The following RB1 variants were observed in gnomAD, a reference collection of about 807,000 sequenced individuals.
RB1 encodes RB transcriptional corepressor 1.
Under a neutral mutation model 135.4 loss-of-function variants are expected in RB1, and 18 were observed. The ratio of observed to expected loss-of-function variants is 0.13; its 90% confidence interval spans 0.09 to 0.20. The LOEUF (loss-of-function observed/expected upper bound fraction) is 0.20, where lower values mean the gene tolerates loss of function less well. RB1 is among the 10% of genes least tolerant of loss of function. RB1 has a pLI of 1.00. For missense variants in RB1, 868 were observed against 1,110.0 expected, an observed-to-expected ratio of 0.78 and a Z score of 3.10; for synonymous variants, 365 against 373.2, an observed-to-expected ratio of 0.98 and a Z score of 0.25.
intron 2 of RB1, among the ~76,000 whole-genome samples, chr13:48,336,587 T>C (rs1437949555): frequency 6.6e-6 from 1 of 152,108 alleles, no homozygotes; most frequent in Admixed American, 6.5e-5. Flanking sequence ...TTCTTCTTTA[T>C]TAGTCTTGCT....
chr13:48,346,820 A>T (rs147971684), intron 4 of RB1, among the ~76,000 whole-genome samples: 67 of 152,186 alleles, frequency 4.4e-4, no homozygotes, highest in Non-Finnish European at 9.1e-4. Flanking sequence ...TGTTAACCCA[A>T]GTTTTATATG....
At chr13:48,381,970 TTTGC>T (rs1948539862) in intron 17 of RB1, among the ~76,000 whole-genome samples, 1 of 152,192 alleles carries the variant, frequency 6.6e-6, no homozygotes, top group African/African-American at 2.4e-5. Flanking sequence ...TTGGCAATAG[TTTGC>T]TCAGAATGAT....
intron 17 of RB1, among the ~76,000 whole-genome samples, chr13:48,382,605 G>T (rs1948544455): frequency 6.6e-6 from 1 of 152,190 alleles, no homozygotes; most frequent in Non-Finnish European, 1.5e-5. Context: ...CCCTTTGTCA[G>T]ATGGGTAGAT....
Position 48,368,616 on chromosome 13 carries a change from C to T in RB1, c.1127+12C>T, listed in dbSNP as rs759817585. On this transcript the variant is annotated intron_variant, in intron 11 of 26. Coordinates refer to ENST00000267163, the MANE Select transcript of RB1 (RefSeq NM_000321.3). ...CACACTCCAGTTAGGTATGAATTTT[C>T]CTACTTTTAATTATATTATAATTTT... is the stretch of plus-strand genomic sequence containing the variant. 6.2e-7 allele frequency: 1 copy of T among 1,610,876 alleles called. No individual in the cohort carries two copies. Among genetic ancestry groups the T allele is most frequent in the Non-Finnish European group, 8.5e-7 (1 of 1,178,654 alleles).
intron 24 of RB1, among the ~76,000 whole-genome samples, chr13:48,474,614 A>G (rs1038521905): frequency 2.0e-5 from 3 of 152,088 alleles, no homozygotes; most frequent in Non-Finnish European, 4.4e-5. Context: ...CCTTCCATAC[A>G]TATGCACTTT....
intron 17 of RB1, among the ~76,000 whole-genome samples, chr13:48,433,899 A>C (rs1020009464): frequency 7.2e-5 from 11 of 151,740 alleles, no homozygotes; most frequent in African/African-American, 2.7e-4. Context: ...ATACATATAT[A>C]CTTTTTTTCA....
At chr13:48,343,704 T>C (rs1354105971) in intron 3 of RB1, among the ~76,000 whole-genome samples, 1 of 152,228 alleles carries the variant, frequency 6.6e-6, no homozygotes, top group African/African-American at 2.4e-5. Context: ...AAACTGGAAC[T>C]GAGAGTAGTT....
Position 48,372,354 on chromosome 13 carries a change from G to A in RB1, c.1128-1051G>A, listed in dbSNP as rs1952767019. 2.6e-5 allele frequency among the ~76,000 whole-genome samples: 4 copies of A among 152,164 alleles called. 1 individual carries two copies. The highest frequency in any genetic ancestry group is 2.6e-4 in the Admixed American group (4 of 15,272). Reference sequence around the variant, plus strand: ...GTGGACACAGAAGCATATAGAAGCTGTGTTGCAATATATTTGAAAGACGAG... The same window carrying A: ...GTGGACACAGAAGCATATAGAAGCTATGTTGCAATATATTTGAAAGACGAG... On this transcript the variant is annotated intron_variant, in intron 11 of 26. Coordinates refer to ENST00000267163, the MANE Select transcript of RB1 (RefSeq NM_000321.3).
At chr13:48,317,061 G>T in intron 2 of RB1, 1 of 728,666 alleles carries the variant, frequency 1.4e-6, no homozygotes, top group Non-Finnish European at 2.0e-6. Flanking sequence ...CCCTGTCTGT[G>T]CCTTGCTGCT....
At chr13:48,363,219 T>A (rs932974168) in intron 8 of RB1, among the ~76,000 whole-genome samples, 3 of 149,142 alleles carry the variant, frequency 2.0e-5, no homozygotes, top group African/African-American at 4.9e-5. Flanking sequence ...TTTTTTTTTT[T>A]ATTCCTCTGA....
intron 17 of RB1, among the ~76,000 whole-genome samples, chr13:48,386,952 G>C (rs979890071): frequency 2.6e-5 from 4 of 152,146 alleles, no homozygotes; most frequent in Non-Finnish European, 4.4e-5. Flanking sequence ...TCGGTTCATT[G>C]AGATTGTTTC....
chr13:48,351,583 G>A (rs1203554085), intron 6 of RB1, among the ~76,000 whole-genome samples: 1 of 151,858 alleles, frequency 6.6e-6, no homozygotes, highest in Non-Finnish European at 1.5e-5. Flanking sequence ...AAGCTCTTGA[G>A]TTTAATTCAA....
intron 11 of RB1, among the ~76,000 whole-genome samples, chr13:48,369,562 A>G (rs145691092): frequency 6.6e-6 from 1 of 152,286 alleles, no homozygotes; most frequent in Non-Finnish European, 1.5e-5. Flanking sequence ...CAATGCCTAA[A>G]AGATCTTATA....
At chr13:48,441,243 G>T (rs550981891) in intron 17 of RB1, among the ~76,000 whole-genome samples, 1 of 152,294 alleles carries the variant, frequency 6.6e-6, no homozygotes, top group East Asian at 1.9e-4. Context: ...GGACAAGGCA[G>T]CTCTCTGGGG....
chr13:48,434,620 C>T (rs914399666), intron 17 of RB1, among the ~76,000 whole-genome samples: 1 of 152,102 alleles, frequency 6.6e-6, no homozygotes, highest in African/African-American at 2.4e-5. Flanking sequence ...TAGAGAGACA[C>T]TATTCAGGGG....
intron 17 of RB1, among the ~76,000 whole-genome samples, chr13:48,414,633 A>G (rs1177202293): frequency 6.6e-6 from 1 of 151,076 alleles, no homozygotes; most frequent in Non-Finnish European, 1.5e-5. Context: ...CTCATAAATT[A>G]CTTAGCTAGC....
intron 6 of RB1, among the ~76,000 whole-genome samples, chr13:48,353,896 T>C (rs1952569650): frequency 6.6e-6 from 1 of 152,070 alleles, no homozygotes; most frequent in African/African-American, 2.4e-5. Context: ...GCATCCTTCA[T>C]GCCCAAAACC....
At chr13:48,346,767 A>C (rs921534455) in intron 4 of RB1, among the ~76,000 whole-genome samples, 2 of 152,120 alleles carry the variant, frequency 1.3e-5, no homozygotes, top group African/African-American at 4.8e-5. Context: ...AACCTAGACC[A>C]CTAACGCATA....
chr13:48,450,840 G>A (rs150710481), intron 17 of RB1, among the ~76,000 whole-genome samples: 1,920 of 152,160 alleles, frequency 0.013, 44 homozygotes, highest in African/African-American at 0.044. Flanking sequence ...ATTTGTTTGT[G>A]TCCTCTTTGA....
Sources: allele counts gnomAD v4.1 joint callset (sites outside exome capture counted in the v4.1 genomes callset), GRCh38; gene constraint gnomAD v4.1.1; transcripts MANE v1.5; gene names NCBI Gene and HGNC (gene_info 2026-07-23, HGNC 2026-07-21).